Variants in PCDH15 observed in about 807,000 individuals in gnomAD.
The protein encoded by PCDH15 is protocadherin-15.
In PCDH15, 129 loss-of-function variants were observed where a neutral mutation model predicts 178.5. The observed-to-expected ratio is 0.72, with a 90% CI of 0.63 to 0.84. The LOEUF (loss-of-function observed/expected upper bound fraction) is 0.84. Ranked by LOEUF, PCDH15 falls within the 40% of genes least tolerant of loss-of-function variation. PCDH15 has a pLI of 0.00. For missense variants in PCDH15, 2,230 were observed against 2,099.9 expected (o/e 1.06, Z -1.21); for synonymous variants, 800 against 732.0 (o/e 1.09, Z -1.50).
chr10:54,679,922 T>C (rs547890960), intron 1 of PCDH15, among the ~76,000 whole-genome samples: 22 of 152,330 alleles, frequency 1.4e-4, no homozygotes, highest in Admixed American at 6.5e-4. Flanking sequence ...GAGTGTCACA[T>C]ATTTGATAAA....
intron 14 of PCDH15, among the ~76,000 whole-genome samples, chr10:54,139,046 G>T (rs2043142593): frequency 6.6e-6 from 1 of 152,008 alleles, no homozygotes; most frequent in South Asian, 2.1e-4. Flanking sequence ...AAATAAAAAT[G>T]CCTTTAGAAT....
At chr10:55,125,955 C>A (rs530648059) in intron 2 of PCDH15, among the ~76,000 whole-genome samples, 1 of 152,206 alleles carries the variant, frequency 6.6e-6, no homozygotes, top group East Asian at 1.9e-4. Context: ...TGACCCAAGT[C>A]TCAATGCATA....
chr10:55,542,276 T>C (rs1451789463), intron 2 of PCDH15, among the ~76,000 whole-genome samples: 2 of 151,236 alleles, frequency 1.3e-5, no homozygotes, highest in Non-Finnish European at 3.0e-5. Context: ...ATGTCTATAT[T>C]ATGTATATAT....
At chr10:54,644,905 A>G (rs113890452) in intron 2 of PCDH15, among the ~76,000 whole-genome samples, 347 of 152,260 alleles carry the variant, frequency 2.3e-3, no homozygotes, top group African/African-American at 7.9e-3. Flanking sequence ...AGAACACAGC[A>G]TTCGTCTTCT....
At chr10:55,610,254 T>A (rs1843338169) in intron 2 of PCDH15, among the ~76,000 whole-genome samples, 1 of 152,104 alleles carries the variant, frequency 6.6e-6, no homozygotes, top group African/African-American at 2.4e-5. Context: ...TCAAACTAAC[T>A]TTAATTTATG....
At chr10:53,850,436 T>C (rs1039410119) in intron 28 of PCDH15, among the ~76,000 whole-genome samples, 2 of 152,124 alleles carry the variant, frequency 1.3e-5, no homozygotes, top group African/African-American at 2.4e-5. Flanking sequence ...GTCATTCTTC[T>C]TGTAAACAGA....
intron 2 of PCDH15, among the ~76,000 whole-genome samples, chr10:55,543,642 A>AC (rs1429041566): frequency 1.3e-5 from 2 of 150,540 alleles, no homozygotes; most frequent in East Asian, 3.9e-4. Context: ...TATATTTGCC[A>AC]CTTTTTTTTT....
At chr10:54,938,913 C>T (rs970795588) in intron 2 of PCDH15, among the ~76,000 whole-genome samples, 1 of 152,128 alleles carries the variant, frequency 6.6e-6, no homozygotes, top group Non-Finnish European at 1.5e-5. Context: ...AGGATTGTGG[C>T]TAGCATCTAG....
chr10:53,849,275 C>T (rs1376000204), intron 28 of PCDH15, among the ~76,000 whole-genome samples: 1 of 151,430 alleles, frequency 6.6e-6, no homozygotes, highest in African/African-American at 2.4e-5. Context: ...AATATGATTT[C>T]TTTTTTTTAT....
At chr10:54,263,069 C>A (rs2057439415) in intron 8 of PCDH15, among the ~76,000 whole-genome samples, 1 of 149,098 alleles carries the variant, frequency 6.7e-6, no homozygotes, top group Non-Finnish European at 1.5e-5. Context: ...TGTCTCTACA[C>A]TTGAAATACT....
chr10:55,438,832 G>A lies in PCDH15; in HGVS notation c.-156+188793C>T, dbSNP rs537017677. Among the ~76,000 whole-genome samples the A allele has an allele frequency of 1.1e-3, 170 of 151,532 alleles. 1 individual carries two copies. Among genetic ancestry groups the A allele is most frequent in the African/African-American group, 4.0e-3 (166 of 41,380 alleles). On this transcript the variant is annotated intron_variant, in intron 2 of 5. Coordinates refer to the PCDH15 transcript ENST00000613346. ...ATGGGGTCAGGGACTTTGAATCTAC[G>A]TAATTCAAGGTTTCAGAACTTGCCA...
intron 3 of PCDH15, among the ~76,000 whole-genome samples, chr10:54,879,472 A>T (rs1351797024): frequency 6.6e-6 from 1 of 152,086 alleles, no homozygotes; most frequent in Non-Finnish European, 1.5e-5. Flanking sequence ...GAAAGATTTT[A>T]TTCAAACTAA....
intron 2 of PCDH15, among the ~76,000 whole-genome samples, chr10:54,984,067 T>C (rs1259590644): frequency 6.6e-6 from 1 of 152,180 alleles, no homozygotes; most frequent in Non-Finnish European, 1.5e-5. Flanking sequence ...CTTTAGATCA[T>C]GACTAGAGGT....
chr10:55,302,613 A>C (rs7088665), intron 1 of PCDH15, among the ~76,000 whole-genome samples: 27,105 of 152,058 alleles, frequency 0.18, 4,147 homozygotes, highest in African/African-American at 0.42. Context: ...AGCCTATCTA[A>C]ATTAAGGAAG....
chr10:55,184,325 G>A (rs1252681370), intron 1 of PCDH15, among the ~76,000 whole-genome samples: 1 of 151,908 alleles, frequency 6.6e-6, no homozygotes, highest in Non-Finnish European at 1.5e-5. Flanking sequence ...ATAGAGAGTG[G>A]TGTGAGGACT....
intron 2 of PCDH15, among the ~76,000 whole-genome samples, chr10:55,548,211 C>A (rs1841932152): frequency 7.3e-5 from 2 of 27,262 alleles, no homozygotes; most frequent in African/African-American, 3.2e-4. Flanking sequence ...ATGCCTAATG[C>A]ACACACACAC....
intron 25 of PCDH15, among the ~76,000 whole-genome samples, chr10:53,929,314 T>A (rs958202982): frequency 6.6e-6 from 1 of 152,142 alleles, no homozygotes; most frequent in African/African-American, 2.4e-5. Flanking sequence ...TTTTGTTTCA[T>A]TGAAAATATA....
chr10:55,602,338 C>T (rs548245231), intron 2 of PCDH15, among the ~76,000 whole-genome samples: 1 of 136,886 alleles, frequency 7.3e-6, no homozygotes, highest in African/African-American at 2.5e-5. Context: ...CCCAGGCTTG[C>T]TTAGGTAAAA....
At chr10:54,241,592 C>A (rs1237639119) in intron 8 of PCDH15, among the ~76,000 whole-genome samples, 2 of 152,152 alleles carry the variant, frequency 1.3e-5, no homozygotes, top group African/African-American at 4.8e-5. Context: ...TGAAGCAAAG[C>A]TGCTTTCTTT....
Sources: allele counts gnomAD v4.1 joint callset (sites outside exome capture counted in the v4.1 genomes callset), GRCh38; gene constraint gnomAD v4.1.1; transcripts MANE v1.5; gene names NCBI Gene and HGNC (gene_info 2026-07-23, HGNC 2026-07-21).